TGM4: variants seen among roughly 807,000 people sequenced by gnomAD.
TGM4 encodes protein-glutamine gamma-glutamyltransferase 4.
In TGM4, 61 loss-of-function variants were observed where a neutral mutation model predicts 76.3. The ratio of observed to expected loss-of-function variants is 0.80; its 90% CI spans 0.65 to 0.99. The LOEUF is 0.99. Among genes scored for constraint, TGM4 ranks in the 50% least tolerant of loss-of-function variants. The pLI is 0.00. For missense variants in TGM4, 794 were observed against 843.2 expected (o/e 0.94, Z 0.72); for synonymous variants, 337 against 329.8 (o/e 1.02, Z -0.24).
intron 1 of TGM4, among the ~76,000 whole-genome samples, chr3:44,881,339 G>A (rs958239368): frequency 6.6e-6 from 1 of 152,202 alleles, no homozygotes; most frequent in African/African-American, 2.4e-5. Flanking sequence ...TGCCTTACCA[G>A]AAGGAAGGAG....
At chr3:44,886,136 G>C (rs1022332570) in intron 2 of TGM4, among the ~76,000 whole-genome samples, 18 of 152,316 alleles carry the variant, frequency 1.2e-4, no homozygotes, top group African/African-American at 4.3e-4. Context: ...CTGAGGTCAG[G>C]AGTTCGAGAT....
intron 6 of TGM4, among the ~76,000 whole-genome samples, chr3:44,898,926 C>T (rs763833406): frequency 1.3e-5 from 2 of 152,206 alleles, no homozygotes; most frequent in Non-Finnish European, 2.9e-5. Context: ...TGAGAAAGAA[C>T]AAGTAAAGGA....
chr3:44,900,373 G>T (rs1398740144), intron 6 of TGM4, among the ~76,000 whole-genome samples: 1 of 152,174 alleles, frequency 6.6e-6, no homozygotes, highest in Non-Finnish European at 1.5e-5. Context: ...TCTGGCGGTG[G>T]CCTCTGCTCT....
At chr3:44,878,643 C>A (rs2125746031) in intron 1 of TGM4, among the ~76,000 whole-genome samples, 1 of 151,920 alleles carries the variant, frequency 6.6e-6, no homozygotes, top group South Asian at 2.1e-4. Context: ...CCACATTACC[C>A]AGCTAATTTT....
chr3:44,902,058 G>A (rs1699862581), intron 8 of TGM4, 127 bp downstream of exon 8: 3 of 1,163,914 alleles, frequency 2.6e-6, no homozygotes, highest in Admixed American at 5.0e-5. Context: ...CAGTCCTCCT[G>A]CCTTAGCCTC....
intron 6 of TGM4, among the ~76,000 whole-genome samples, chr3:44,897,976 C>T (rs1325908128): frequency 1.3e-5 from 2 of 152,104 alleles, no homozygotes; most frequent in South Asian, 2.1e-4. Flanking sequence ...CACACGGATA[C>T]GTAGATTTAA....
chr3:44,893,946 C>T (rs1248281459), intron 5 of TGM4, among the ~76,000 whole-genome samples: 8 of 113,492 alleles, frequency 7.0e-5, no homozygotes, highest in Admixed American at 9.1e-5. Flanking sequence ...CTCTCTCCCA[C>T]CCCCCACAGC....
chr3:44,898,338 A>G (rs1699808859), intron 6 of TGM4, among the ~76,000 whole-genome samples: 1 of 151,708 alleles, frequency 6.6e-6, no homozygotes, highest in Non-Finnish European at 1.5e-5. Context: ...TAGCCTTTTC[A>G]GATAATGGAA....
At chr3:44,911,493 G>A in intron 13 of TGM4, 87 bp downstream of exon 13, 5 of 1,492,522 alleles carry the variant, frequency 3.4e-6, no homozygotes, top group Middle Eastern at 2.4e-4. Context: ...TGAATTCCCA[G>A]TATGGGGTCA....
chr3:44,900,308 G>A (rs1559617120), intron 6 of TGM4, among the ~76,000 whole-genome samples: 1 of 152,180 alleles, frequency 6.6e-6, no homozygotes, highest in South Asian at 2.1e-4. Context: ...CTTTGCCTAG[G>A]ACCCTTTGCC....
chr3:44,890,829 G>T, intron 4 of TGM4, 97 bp downstream of exon 4: 1 of 1,473,142 alleles, frequency 6.8e-7, no homozygotes, highest in Non-Finnish European at 9.2e-7. Flanking sequence ...TTGCTCTCAA[G>T]GTACTTGCAA....
chr3:44,906,699 T>G (rs1699926282), intron 9 of TGM4, among the ~76,000 whole-genome samples: 1 of 152,196 alleles, frequency 6.6e-6, no homozygotes, highest in Non-Finnish European at 1.5e-5. Context: ...TGTGCTGGGA[T>G]GAGTTTAATA....
At chr3:44,910,781 C>T (rs539119930) in intron 11 of TGM4, among the ~76,000 whole-genome samples, 177 bp from the exon 12 acceptor site, 1 of 152,212 alleles carries the variant, frequency 6.6e-6, no homozygotes, top group South Asian at 2.1e-4. Flanking sequence ...GAGAACTTGG[C>T]CAATTATTAT....
intron 1 of TGM4, chr3:44,876,549 A>G (rs1699454000): frequency 6.6e-6 from 1 of 152,268 alleles, no homozygotes; most frequent in Admixed American, 6.5e-5. Context: ...ACAACTGGTT[A>G]GTATTTAGAG....
chr3:44,887,726 G>C lies in TGM4; in HGVS notation c.231G>C (p.Val77=). ...GCATCGCCAAACACACCCTGGTGGT[G>C]CTCGACCCGAGGACGCCCTCAGACC... is the stretch of plus-strand genomic sequence containing the variant. The part of the protein sequence containing the change: ...NPSIAKHTLV[V]LDPRTPSDHY... Residue 77 remains valine, a synonymous_variant, in exon 3 of 14, where the codon GTG becomes GTC. Coordinates refer to ENST00000296125, the MANE Select transcript of TGM4 (RefSeq NM_003241.4). 3 of 1,614,178 alleles carry C rather than the reference G, an allele frequency of 1.9e-6. No homozygotes were observed. The highest frequency in any genetic ancestry group is 2.5e-6 in the Non-Finnish European group (3 of 1,180,026).
intron 4 of TGM4, among the ~76,000 whole-genome samples, chr3:44,891,701 G>A (rs143533765): frequency 0.02 from 3,032 of 152,278 alleles, 50 homozygotes; most frequent in Middle Eastern, 0.065. Context: ...GCAGCCAGGC[G>A]TGGTGGCTCA....
intron 8 of TGM4, among the ~76,000 whole-genome samples, chr3:44,903,064 A>G (rs952662): frequency 0.47 from 71,077 of 152,062 alleles, 17,155 homozygotes; most frequent in East Asian, 0.81. Context: ...TGTAGATGAT[A>G]TACAGTTGAC....
rs1455515530 is a variant in TGM4 at position 44,903,972 on chromosome 3, C to T, written c.1060C>T (p.Gln354Ter). The T allele has an allele frequency of 6.2e-7, 1 of 1,613,956 alleles. No individual in the cohort carries two copies. Among genetic ancestry groups the T allele is most frequent in the African/African-American group, 1.3e-5 (1 of 75,048 alleles). Residue 354 changes from glutamine (Q) to a stop codon, truncating the protein, a stop_gained, in exon 9 of 14, where the codon CAG becomes TAG. Coordinates refer to ENST00000296125, the MANE Select transcript of TGM4 (RefSeq NM_003241.4). LOFTEE classifies it high-confidence loss of function. ...CTGGCAGGCTGTGGACGCAACGCCG[C>T]AGGAGCGAAGCCAGGGTGAGTGGGT... ...DGWQAVDATP[Q>*]ERSQGVFCCG...
In TGM4 at chr3:44,913,774, C is replaced by T. The variant is rs766350311; in HGVS notation, c.*49C>T. On this transcript the variant is annotated 3_prime_UTR_variant, in exon 14 of 14. Transcript: ENST00000296125. ...TAGTTGAGATTTCAGCATTTCCTACCTTGTGCTTAGCTTTCAGATTATGGA... is the reference window on the plus strand; with the variant it reads ...TAGTTGAGATTTCAGCATTTCCTACTTTGTGCTTAGCTTTCAGATTATGGA... 30 of 1,582,160 alleles carry T rather than the reference C, an allele frequency of 1.9e-5. No homozygotes were observed. The African/African-American group carries it at 3.0e-4, about 16-fold the overall frequency.
Sources: gnomAD v4.1 joint callset for allele counts (sites outside exome capture counted in the v4.1 genomes callset) on GRCh38, gnomAD v4.1.1 for gene constraint, MANE v1.5 for transcripts, NCBI Gene and HGNC (gene_info 2026-07-23, HGNC 2026-07-21) for gene names.